The following DCAF8L2 variants were observed in gnomAD, a reference collection of about 807,000 sequenced individuals.
DCAF8L2 encodes the protein DDB1 and CUL4 associated factor 8 like 2.
For synonymous variants in DCAF8L2, 200 were observed against 190.9 expected (o/e 1.05, Z -0.39); for missense variants, 430 against 490.7 (o/e 0.88, Z 1.17).
At chrX:27,513,131 A>G in the DCAF8L2 span, among the ~76,000 whole-genome samples, 1 of 111,992 alleles carries the variant, frequency 8.9e-6, no homozygotes, top group African/African-American at 3.2e-5. Flanking sequence ...AACAAAAACT[A>G]TGAAACTACT....
intron 1 of DCAF8L2, among the ~76,000 whole-genome samples, chrX:27,611,596 C>T (rs932443731): frequency 9.2e-6 from 1 of 109,165 alleles, no homozygotes; most frequent in Non-Finnish European, 1.9e-5. Context: ...TTCCCCCGTC[C>T]CCCCACCCCA....
At chrX:27,551,295 T>G in the DCAF8L2 span, among the ~76,000 whole-genome samples, 2 of 110,635 alleles carry the variant, frequency 1.8e-5, no homozygotes, top group Admixed American at 9.7e-5. Context: ...ACCACCACGC[T>G]GATCACTAAG....
chrX:27,521,181 C>G, the DCAF8L2 span, among the ~76,000 whole-genome samples: 1 of 112,001 alleles, frequency 8.9e-6, no homozygotes. Flanking sequence ...CCATTACCAC[C>G]ATGTGACATC....
chrX:27,609,707 GTTA>G (rs1927070997), intron 1 of DCAF8L2, among the ~76,000 whole-genome samples: 1 of 111,172 alleles, frequency 9.0e-6, no homozygotes, highest in African/African-American at 3.3e-5. Flanking sequence ...AATGTATATA[GTTA>G]TTATTTTATA....
At chrX:27,551,192 A>C in the DCAF8L2 span, among the ~76,000 whole-genome samples, 1 of 108,757 alleles carries the variant, frequency 9.2e-6, no homozygotes, top group East Asian at 2.9e-4. Flanking sequence ...CTCTACAAAG[A>C]CCTGTAACTG....
the DCAF8L2 span, among the ~76,000 whole-genome samples, chrX:27,516,184 G>T: frequency 9.0e-6 from 1 of 111,286 alleles, no homozygotes; most frequent in Non-Finnish European, 1.9e-5. Context: ...TCCAAATTTA[G>T]CTGTTTTACA....
intron 1 of DCAF8L2, among the ~76,000 whole-genome samples, chrX:27,592,428 T>A (rs1354557460): frequency 3.7e-5 from 4 of 108,133 alleles, no homozygotes; most frequent in African/African-American, 1.3e-4. Context: ...TTTTTTTTTT[T>A]TTTGGTTTAT....
the DCAF8L2 span, among the ~76,000 whole-genome samples, chrX:27,497,306 A>G: frequency 9.0e-6 from 1 of 111,629 alleles, no homozygotes; most frequent in Non-Finnish European, 1.9e-5. Context: ...TTTAATGATG[A>G]AAAACACATA....
chrX:27,670,985 G>T (rs924921250), intron 2 of DCAF8L2, among the ~76,000 whole-genome samples: 2 of 111,878 alleles, frequency 1.8e-5, no homozygotes, highest in African/African-American at 3.2e-5. Context: ...TCAACATTAG[G>T]CATTCCTTTA....
chrX:27,744,221 G>A (rs1922044439), intron 4 of DCAF8L2, among the ~76,000 whole-genome samples: 1 of 111,371 alleles, frequency 9.0e-6, no homozygotes, highest in African/African-American at 3.3e-5. Flanking sequence ...GTGTTTAGGT[G>A]TATCTGGAAG....
At chrX:27,695,704 C>T (rs894140230) in intron 3 of DCAF8L2, among the ~76,000 whole-genome samples, 2 of 111,189 alleles carry the variant, frequency 1.8e-5, no homozygotes, top group Non-Finnish European at 3.8e-5. Flanking sequence ...TTAACCAACA[C>T]GTGTGTCCTG....
upstream of DCAF8L2, among the ~76,000 whole-genome samples, chrX:27,587,639 A>C (rs1365738284): frequency 1.8e-5 from 2 of 111,745 alleles, no homozygotes; most frequent in Admixed American, 9.6e-5. Context: ...TCAGGGATCC[A>C]AAATTGAACT....
the DCAF8L2 span, among the ~76,000 whole-genome samples, chrX:27,551,686 A>AGTATT: frequency 9.0e-6 from 1 of 111,356 alleles, no homozygotes; most frequent in Non-Finnish European, 1.9e-5. Flanking sequence ...TATATCAAAT[A>AGTATT]GTATTCCATT....
chrX:27,588,063 T>G (rs1925947093), upstream of DCAF8L2, among the ~76,000 whole-genome samples: 1 of 105,706 alleles, frequency 9.5e-6, no homozygotes. Context: ...GCAGGTTTGT[T>G]ACATGGGTAT....
intron 3 of DCAF8L2, among the ~76,000 whole-genome samples, chrX:27,696,953 G>T (rs1468531040): frequency 9.0e-6 from 1 of 111,630 alleles, no homozygotes; most frequent in Non-Finnish European, 1.9e-5. Flanking sequence ...AACTAAATTG[G>T]GAAGATCAAT....
the DCAF8L2 span, among the ~76,000 whole-genome samples, chrX:27,507,134 T>C: frequency 1.8e-5 from 2 of 112,158 alleles, no homozygotes. Context: ...CCTGAAATAT[T>C]TGAATTTTTG....
At chrX:27,640,802 AG>A (rs199742439) in intron 2 of DCAF8L2, among the ~76,000 whole-genome samples, 1 of 111,268 alleles carries the variant, frequency 9.0e-6, no homozygotes, top group Non-Finnish European at 1.9e-5. Context: ...GTATTTTACA[AG>A]AAAAAATAAA....
rs188722771 is a variant in DCAF8L2, at chrX:27,711,488, C to A, written c.-142-4600C>A. On this transcript the variant is annotated intron_variant, in intron 3 of 4. Coordinates refer to ENST00000451261, the MANE Select transcript of DCAF8L2 (RefSeq NM_001353450.2). ...GCTTATATGTGTATATATATACATT[C>A]CTCTTGTCACACAAAAGTAACTATG... is the stretch of plus-strand genomic sequence containing the variant. Among the ~76,000 whole-genome samples the A allele has an allele frequency of 8.1e-4, 85 of 104,590 alleles. No individual in the cohort carries two copies. The East Asian group carries it at 0.016, about 19-fold the overall frequency. The allele number at this position is 104,590 out of a possible 115,157, so 90.8% of individuals were successfully genotyped here.
At chrX:27,632,222 G>C (rs1034489317) in intron 2 of DCAF8L2, 1 of 111,725 alleles carries the variant, frequency 9.0e-6, no homozygotes, top group Admixed American at 9.5e-5. Flanking sequence ...TCTCTTCCTT[G>C]GTTTCCCAAT....
Sources: gnomAD v4.1 joint callset for allele counts (sites outside exome capture counted in the v4.1 genomes callset) on GRCh38, gnomAD v4.1.1 for gene constraint, MANE v1.5 for transcripts, NCBI Gene and HGNC (gene_info 2026-07-23, HGNC 2026-07-21) for gene names.